NALCN: variants seen among roughly 807,000 people sequenced by gnomAD.
The protein encoded by NALCN is sodium leak channel, non-selective.
In NALCN, 111 loss-of-function variants were observed where a neutral mutation model predicts 225.3. That is an observed-to-expected ratio of 0.49 (90% CI 0.42 to 0.58). The LOEUF (loss-of-function observed/expected upper bound fraction) is 0.58. NALCN is among the 20% of genes least tolerant of loss of function. NALCN has a pLI of 0.00. For missense variants in NALCN, 1,378 were observed against 2,202.4 expected (o/e 0.63, Z 7.49); for synonymous variants, 764 against 769.0 (o/e 0.99, Z 0.11).
At chr13:101,214,147 G>C (rs755163329) in intron 13 of NALCN, among the ~76,000 whole-genome samples, 2 of 152,110 alleles carry the variant, frequency 1.3e-5, no homozygotes, top group Non-Finnish European at 2.9e-5. Flanking sequence ...CCTTTGTAGG[G>C]ACATGGATGA....
intron 11 of NALCN, 151 bp from the exon 12 acceptor site, chr13:101,238,073 C>T: frequency 1.7e-6 from 1 of 599,160 alleles, no homozygotes; most frequent in East Asian, 3.2e-5. Context: ...TTTAAGAATG[C>T]ATTTGAAACA....
chr13:101,110,716 A>G lies in NALCN; in HGVS notation c.2295-28T>C, dbSNP rs781330866. ...AAAACAACCACAGGCACTGGTTAATACATCTCAAGATCAAACTGGCCTTTC... is the reference window on the plus strand; with the variant it reads ...AAAACAACCACAGGCACTGGTTAATGCATCTCAAGATCAAACTGGCCTTTC... On this transcript the variant is annotated intron_variant, in intron 19 of 43. Coordinates refer to ENST00000251127, the MANE Select transcript of NALCN (RefSeq NM_052867.4). 44 of 1,611,190 alleles carry G rather than the reference A, an allele frequency of 2.7e-5. 1 individual carries two copies. The East Asian group carries it at 3.8e-4, about 14-fold the overall frequency.
At chr13:101,333,904 AT>A in intron 7 of NALCN, among the ~76,000 whole-genome samples, 1 of 152,234 alleles carries the variant, frequency 6.6e-6, no homozygotes, top group South Asian at 2.1e-4. Flanking sequence ...GAAGTCATAC[AT>A]TCAAACGAAC....
chr13:101,287,761 TAC>T (rs2139027738), intron 9 of NALCN, among the ~76,000 whole-genome samples: 1 of 152,346 alleles, frequency 6.6e-6, no homozygotes, highest in Admixed American at 6.5e-5. Flanking sequence ...TTGCAACTGC[TAC>T]AGTTTTATAA....
At chr13:101,063,534 C>CA (rs1197741823) in intron 40 of NALCN, among the ~76,000 whole-genome samples, 1 of 152,092 alleles carries the variant, frequency 6.6e-6, no homozygotes, top group African/African-American at 2.4e-5. Context: ...TCATGTCAAC[C>CA]AAAAAAATTT....
At chr13:101,181,075 G>A (rs1317209985) in intron 14 of NALCN, 5 of 518,718 alleles carry the variant, frequency 9.6e-6, no homozygotes, top group Non-Finnish European at 1.9e-5. Flanking sequence ...TGGGCCAGGG[G>A]GGCACTTTCC....
rs1365313330 is a variant in NALCN, at chr13:101,089,001, G to A, written c.3489+662C>T. On this transcript the variant is annotated intron_variant, in intron 30 of 43. Coordinates refer to ENST00000251127, the MANE Select transcript of NALCN (RefSeq NM_052867.4). The surrounding 1 kb of genome is among the most constrained non-coding windows in gnomAD (Gnocchi z 4.7). The stretch of plus-strand genomic sequence containing the variant: ...CAACCTCTGCCTTCTAGGTTCAAAC[G>A]ATTCTCATGCCTCAGCCAACCCAGT... Among the ~76,000 whole-genome samples, 6 of 151,046 alleles carry A rather than the reference G, an allele frequency of 4.0e-5. No homozygotes were observed. Among genetic ancestry groups the A allele is most frequent in the African/African-American group, 1.2e-4 (5 of 40,982 alleles).
At chr13:101,354,303 A>G (rs2045988037) in intron 6 of NALCN, among the ~76,000 whole-genome samples, 2 of 152,180 alleles carry the variant, frequency 1.3e-5, no homozygotes, top group African/African-American at 4.8e-5. Context: ...ACATCATGCC[A>G]CTGAACTACA....
Position 101,383,598 on chromosome 13 carries a change from G to A in NALCN, c.292-4945C>T, listed in dbSNP as rs374725448. On this transcript the variant is annotated intron_variant, in intron 3 of 43. Coordinates refer to ENST00000251127, the MANE Select transcript of NALCN (RefSeq NM_052867.4). ...CCATGTCTTAGATACAGTGTATACA[G>A]CAAGATGTCAGTTAATATACAATGT... Among the ~76,000 whole-genome samples the A allele has an allele frequency of 2.0e-5, 3 of 152,316 alleles. No homozygotes were observed. In the South Asian group the frequency reaches 6.2e-4, roughly 32 times the overall value.
At chr13:101,192,600 A>G (rs1453157071) in intron 13 of NALCN, among the ~76,000 whole-genome samples, 1 of 152,060 alleles carries the variant, frequency 6.6e-6, no homozygotes, top group Non-Finnish European at 1.5e-5. Context: ...AGACAAACAC[A>G]TTTTTCATGA....
chr13:101,352,651 T>A (rs76527122), intron 6 of NALCN, among the ~76,000 whole-genome samples: 1 of 152,136 alleles, frequency 6.6e-6, no homozygotes, highest in African/African-American at 2.4e-5. Flanking sequence ...ATGGATACTG[T>A]GACTGATGCA....
chr13:101,352,109 T>C (rs1445853560), intron 6 of NALCN, among the ~76,000 whole-genome samples: 1 of 152,186 alleles, frequency 6.6e-6, no homozygotes, highest in Non-Finnish European at 1.5e-5. Flanking sequence ...GCCTACTCTA[T>C]GCCACACAGC....
chr13:101,345,136 A>G (rs1437464178), intron 7 of NALCN, 130 bp downstream of exon 7: 1 of 981,340 alleles, frequency 1.0e-6, no homozygotes, highest in East Asian at 2.7e-5. Context: ...GCATAGAATT[A>G]AAATTTATAT....
chr13:101,308,819 G>GA (rs2044241289), intron 7 of NALCN, among the ~76,000 whole-genome samples: 1 of 152,092 alleles, frequency 6.6e-6, no homozygotes, highest in Non-Finnish European at 1.5e-5. Flanking sequence ...TGATAAAACA[G>GA]CTCTTTTTTT....
intron 30 of NALCN, among the ~76,000 whole-genome samples, chr13:101,087,860 G>A (rs2034011992): frequency 6.6e-6 from 1 of 152,162 alleles, no homozygotes; most frequent in Non-Finnish European, 1.5e-5. Flanking sequence ...TAATCTTCCT[G>A]AAATCAGGTG....
In NALCN at chr13:101,065,567, G is replaced by T. The variant is rs754179326; in HGVS notation, c.4447-6C>A. ...CGGAACGTGGGGATCACCCCCTGCG[G>T]GGCAGAGCACAAGAAGTAGCAAATC... On this transcript the variant is annotated splice_region_variant and splice_polypyrimidine_tract_variant and intron_variant, in intron 39 of 43. Transcript: ENST00000251127. 2 of 1,613,402 alleles carry T rather than the reference G, an allele frequency of 1.2e-6. No individual in the cohort carries two copies. Among genetic ancestry groups the T allele is most frequent in the Non-Finnish European group, 1.7e-6 (2 of 1,179,922 alleles).
rs749740539 is a variant in NALCN at position 101,074,546 on chromosome 13, A to G, written c.4071T>C (p.Phe1357=). ...LCYAFAGVVL[F]GTVKYGENIN... is the part of the protein sequence containing the mutation. ...TATTCTCCCCATATTTCACAGTACC[A>G]AATAAAACAACTCCAGCAAAAGCGT... The change falls in exon 36 of 44, where the codon TTT becomes TTC. Residue 1357 remains phenylalanine, a synonymous_variant. Coordinates refer to ENST00000251127, the MANE Select transcript of NALCN (RefSeq NM_052867.4). The G allele has an allele frequency of 2.5e-6, 4 of 1,613,488 alleles. No homozygotes were observed. Among genetic ancestry groups the G allele is most frequent in the Middle Eastern group, 1.7e-4 (1 of 6,058 alleles).
chr13:101,204,890 T>C (rs1488193190), intron 13 of NALCN, among the ~76,000 whole-genome samples: 1 of 152,136 alleles, frequency 6.6e-6, no homozygotes, highest in Non-Finnish European at 1.5e-5. Flanking sequence ...CCACAGTAGT[T>C]AATTGTCCAT....
intron 16 of NALCN, 37 bp from the exon 17 acceptor site, chr13:101,143,258 A>C (rs770444039): frequency 6.4e-7 from 1 of 1,556,624 alleles, no homozygotes; most frequent in African/African-American, 1.4e-5. Context: ...AGGCATTATT[A>C]GTGGAAGGGA....
Sources: allele counts gnomAD v4.1 joint callset (sites outside exome capture counted in the v4.1 genomes callset), GRCh38; gene constraint gnomAD v4.1.1; non-coding constraint Gnocchi (gnomAD v3.1); transcripts MANE v1.5; gene names NCBI Gene and HGNC (gene_info 2026-07-23, HGNC 2026-07-21).